MAGI1: variants seen among roughly 807,000 people sequenced by gnomAD.
MAGI1 encodes membrane associated guanylate kinase, WW and PDZ domain containing 1.
In MAGI1, 58 loss-of-function variants were observed where a neutral mutation model predicts 139.9. The observed-to-expected ratio is 0.41, with a 90% CI of 0.34 to 0.52. The LOEUF is 0.52. Among genes scored for constraint, MAGI1 ranks in the 20% least tolerant of loss-of-function variants. MAGI1 has a pLI of 0.12. For synonymous variants in MAGI1, 812 were observed against 737.9 expected (o/e 1.10, Z -1.63); for missense variants, 1,874 against 1,901.6 (o/e 0.99, Z 0.27).
chr3:65,909,101 A>G (rs537632875), intron 1 of MAGI1, among the ~76,000 whole-genome samples: 2 of 152,310 alleles, frequency 1.3e-5, no homozygotes, highest in South Asian at 2.1e-4. Flanking sequence ...TCTCATTACC[A>G]GAAGCCTTTG....
intron 1 of MAGI1, among the ~76,000 whole-genome samples, chr3:65,928,494 G>C (rs2062634203): frequency 1.3e-5 from 2 of 152,118 alleles, no homozygotes; most frequent in Admixed American, 1.3e-4. Flanking sequence ...TGAAATCAAT[G>C]TATTGCTTTT....
intron 1 of MAGI1, among the ~76,000 whole-genome samples, chr3:65,953,847 G>C (rs1013719377): frequency 6.6e-6 from 1 of 152,138 alleles, no homozygotes; most frequent in Non-Finnish European, 1.5e-5. Context: ...GGCAATGTTC[G>C]TTAGGTAAAA....
chr3:65,398,021 T>C (rs1284271249), intron 13 of MAGI1, among the ~76,000 whole-genome samples: 1 of 152,204 alleles, frequency 6.6e-6, no homozygotes, highest in Admixed American at 6.5e-5. Flanking sequence ...TAATCTTTTT[T>C]TTTTTGCAAG....
chr3:65,510,849 T>C (rs1384128493), intron 2 of MAGI1, among the ~76,000 whole-genome samples: 2 of 147,410 alleles, frequency 1.4e-5, no homozygotes, highest in Non-Finnish European at 3.0e-5. Context: ...AGACACATAA[T>C]TGTCAGATTC....
intron 1 of MAGI1, among the ~76,000 whole-genome samples, chr3:65,825,522 C>G (rs978398164): frequency 1.3e-5 from 2 of 152,088 alleles, no homozygotes; most frequent in African/African-American, 2.4e-5. Context: ...CCTAGAGAGT[C>G]AGTAGTTAAA....
At chr3:65,561,536 C>G (rs758608572) in intron 2 of MAGI1, among the ~76,000 whole-genome samples, 6 of 152,110 alleles carry the variant, frequency 3.9e-5, no homozygotes, top group Non-Finnish European at 8.8e-5. Flanking sequence ...TATGAACACC[C>G]TGAAAATACA....
chr3:65,887,051 A>C (rs2060562739), intron 1 of MAGI1, among the ~76,000 whole-genome samples: 1 of 152,236 alleles, frequency 6.6e-6, no homozygotes, highest in African/African-American at 2.4e-5. Context: ...ACTTAAAATA[A>C]ATATAAAATA....
chr3:65,798,551 C>T (rs1208123169), intron 1 of MAGI1, among the ~76,000 whole-genome samples: 1 of 152,144 alleles, frequency 6.6e-6, no homozygotes, highest in Non-Finnish European at 1.5e-5. Context: ...GCCTCTTTAC[C>T]ATGGCTTAGG....
chr3:65,846,310 G>A (rs1206473777), intron 1 of MAGI1, among the ~76,000 whole-genome samples: 2 of 152,238 alleles, frequency 1.3e-5, no homozygotes, highest in Non-Finnish European at 2.9e-5. Flanking sequence ...CCCTTATGTA[G>A]TGCGGTCTCA....
chr3:65,420,948 A>G (rs1262721750), intron 12 of MAGI1, among the ~76,000 whole-genome samples: 4 of 152,222 alleles, frequency 2.6e-5, no homozygotes, highest in Non-Finnish European at 4.4e-5. Flanking sequence ...ATCATCCAAT[A>G]AAGTCTGAGT....
Position 65,477,520 on chromosome 3 carries a change from A to G in MAGI1, c.757+1072T>C, listed in dbSNP as rs535631410. On this transcript the variant is annotated intron_variant, in intron 4 of 22. Transcript: ENST00000402939. The stretch of plus-strand genomic sequence containing the variant: ...ATATTAAAGGCAATATTTAAGTACA[A>G]TAACAACAGAAGAAACAAGGTGTTC... Among the ~76,000 whole-genome samples the G allele has an allele frequency of 2.7e-4, 41 of 152,272 alleles. 1 individual carries two copies. The highest frequency in any genetic ancestry group is 9.6e-4 in the African/African-American group (40 of 41,558).
intron 1 of MAGI1, among the ~76,000 whole-genome samples, chr3:65,840,360 G>A (rs533091712): frequency 2.4e-4 from 36 of 152,184 alleles, no homozygotes; most frequent in African/African-American, 8.4e-4. Flanking sequence ...GAAGGCATTC[G>A]GTCTTGCACC....
chr3:65,556,429 C>G (rs1165582555), intron 2 of MAGI1, among the ~76,000 whole-genome samples: 2 of 152,184 alleles, frequency 1.3e-5, no homozygotes, highest in Admixed American at 1.3e-4. Flanking sequence ...AGTGATGTCT[C>G]TAATTTCAAG....
intron 1 of MAGI1, among the ~76,000 whole-genome samples, chr3:66,012,982 T>C (rs1052591824): frequency 2.0e-5 from 3 of 152,308 alleles, no homozygotes; most frequent in East Asian, 1.9e-4. Flanking sequence ...TCTAGGTCAA[T>C]AGTTTGCATG....
intron 1 of MAGI1, among the ~76,000 whole-genome samples, chr3:65,734,155 G>A (rs754538883): frequency 3.3e-5 from 5 of 152,142 alleles, no homozygotes; most frequent in African/African-American, 4.8e-5. Flanking sequence ...TTCATTTGCA[G>A]GTTAAAAACA....
At chr3:65,811,616 T>C (rs2041239212) in intron 1 of MAGI1, among the ~76,000 whole-genome samples, 2 of 152,098 alleles carry the variant, frequency 1.3e-5, no homozygotes, top group Non-Finnish European at 2.9e-5. Flanking sequence ...TAAGGGTTAT[T>C]CATGTTTTCT....
At chr3:65,882,269 C>T (rs965101245) in intron 1 of MAGI1, among the ~76,000 whole-genome samples, 1 of 152,090 alleles carries the variant, frequency 6.6e-6, no homozygotes, top group East Asian at 1.9e-4. Flanking sequence ...CTCTGCCTAA[C>T]TTAAAGAAGA....
At chr3:65,897,874 AAAAG>A (rs1368967121) in intron 1 of MAGI1, among the ~76,000 whole-genome samples, 1 of 137,124 alleles carries the variant, frequency 7.3e-6, no homozygotes, top group Admixed American at 7.6e-5. Context: ...AAAAAATAAA[AAAAG>A]AAAGAAAGGA....
At chr3:65,562,109 GGTAT>G (rs10522197) in intron 2 of MAGI1, among the ~76,000 whole-genome samples, 98,438 of 151,282 alleles carry the variant, frequency 0.65, 32,946 homozygotes, top group East Asian at 0.95. Flanking sequence ...GCATGTCACA[GGTAT>G]GTATGTATGT....
Sources: gnomAD v4.1 joint callset for allele counts (sites outside exome capture counted in the v4.1 genomes callset) on GRCh38, gnomAD v4.1.1 for gene constraint, MANE v1.5 for transcripts, NCBI Gene and HGNC (gene_info 2026-07-23, HGNC 2026-07-21) for gene names.